The following RBKS variants were observed in gnomAD, a reference collection of about 807,000 sequenced individuals.
The protein encoded by RBKS is ribokinase.
RBKS carries 33 observed loss-of-function variants against 33.9 expected under a neutral mutation model. The observed-to-expected ratio is 0.97, with a 90% CI of 0.74 to 1.30. The LOEUF (loss-of-function observed/expected upper bound fraction) is 1.30. Among genes scored for constraint, RBKS ranks in the 50% most tolerant of loss-of-function variants. The pLI, the probability that RBKS is intolerant of heterozygous loss-of-function variation, is 0.00. For synonymous variants in RBKS, 125 were observed against 143.0 expected (o/e 0.87, Z 0.90); for missense variants, 361 against 392.6 (o/e 0.92, Z 0.68).
intron 7 of RBKS, among the ~76,000 whole-genome samples, chr2:27,796,450 C>T (rs1304837929): frequency 2.6e-5 from 4 of 152,204 alleles, no homozygotes; most frequent in Non-Finnish European, 5.9e-5. Flanking sequence ...GGCTACTACC[C>T]TTTGCCTTCT....
At chr2:27,807,254 A>C (rs1677913640) in intron 7 of RBKS, among the ~76,000 whole-genome samples, 1 of 152,260 alleles carries the variant, frequency 6.6e-6, no homozygotes, top group African/African-American at 2.4e-5. Flanking sequence ...GATGTTCACT[A>C]TCAACCTTTT....
chr2:27,875,721 C>T (rs6751074), intron 1 of RBKS, among the ~76,000 whole-genome samples: 8,074 of 152,168 alleles, frequency 0.053, 600 homozygotes, highest in African/African-American at 0.16. Flanking sequence ...ACTGAATCAA[C>T]AAATTTTTGT....
At chr2:27,784,000 T>TC (rs1677344323) in intron 7 of RBKS, among the ~76,000 whole-genome samples, 1 of 105,230 alleles carries the variant, frequency 9.5e-6, no homozygotes, top group Non-Finnish European at 2.1e-5. Flanking sequence ...TTTTTTTTTT[T>TC]TGAGACGGAG....
chr2:27,835,276 CAAAAAAAA>C (rs35739589), intron 5 of RBKS, among the ~76,000 whole-genome samples: 1 of 115,794 alleles, frequency 8.6e-6, no homozygotes, highest in Admixed American at 8.5e-5. Context: ...AACTCTGTCT[CAAAAAAAA>C]AAAAAAGAAA....
chr2:27,811,745 G>A (rs1406660356), intron 7 of RBKS, among the ~76,000 whole-genome samples: 1 of 152,152 alleles, frequency 6.6e-6, no homozygotes, highest in East Asian at 1.9e-4. Context: ...AACAAAGAGA[G>A]TTCTAAAAAC....
chr2:27,830,181 A>G (rs1678393514), intron 6 of RBKS, among the ~76,000 whole-genome samples: 1 of 152,040 alleles, frequency 6.6e-6, no homozygotes, highest in South Asian at 2.1e-4. Flanking sequence ...TTTACATATC[A>G]GTGGTTTGTG....
chr2:27,781,671 C>T lies in RBKS; in HGVS notation c.913G>A (p.Ala305Thr), dbSNP rs561365833. 149 of 1,613,994 alleles carry T rather than the reference C, an allele frequency of 9.2e-5. No homozygotes were observed. The South Asian group carries it at 1.2e-3, about 13-fold the overall frequency. The change falls in exon 8 of 8, where the codon GCA (alanine) becomes ACA (threonine). Residue 305 changes from alanine to threonine, a missense_variant. Ala to Thr is a moderately conservative substitution (Grantham distance 58, BLOSUM62 0). Transcript: ENST00000302188. ...NFIAAVSVQA[A>T]GTQSSYPYKK... ...TAAGGGTAAGATGACTGTGTTCCTG[C>T]AGCCTGGACACTGACTGCTGCAATG...
At chr2:27,887,189 G>A (rs139653280) in intron 1 of RBKS, among the ~76,000 whole-genome samples, 6 of 152,330 alleles carry the variant, frequency 3.9e-5, no homozygotes, top group African/African-American at 1.4e-4. Flanking sequence ...TCAGAGTGAT[G>A]TAATGTGAGA....
chr2:27,848,132 AGAGT>A (rs1161009724), intron 2 of RBKS, 35 bp from the exon 3 acceptor site: 1 of 1,222,520 alleles, frequency 8.2e-7, no homozygotes, highest in South Asian at 1.3e-5. Context: ...TAGATCTTTT[AGAGT>A]TAGTAAAATG....
intron 7 of RBKS, among the ~76,000 whole-genome samples, chr2:27,808,782 T>G (rs908099822): frequency 6.6e-6 from 1 of 152,246 alleles, no homozygotes; most frequent in African/African-American, 2.4e-5. Context: ...TATACTGTCT[T>G]GTATTGCCAA....
chr2:27,844,196 G>A (rs1663570227), intron 4 of RBKS, among the ~76,000 whole-genome samples: 1 of 149,754 alleles, frequency 6.7e-6, no homozygotes, highest in Non-Finnish European at 1.5e-5. Flanking sequence ...GGAGGCGGAG[G>A]TAGCAGTGAC....
At chr2:27,796,229 T>G (rs990859026) in intron 7 of RBKS, among the ~76,000 whole-genome samples, 3 of 152,250 alleles carry the variant, frequency 2.0e-5, no homozygotes, top group Non-Finnish European at 4.4e-5. Flanking sequence ...GGTATGATTT[T>G]TTTTTTAAAC....
Position 27,890,202 on chromosome 2 carries a change from G to T in RBKS, c.89+55C>A. 1 of 1,548,606 alleles carries T rather than the reference G, an allele frequency of 6.5e-7. No individual in the cohort carries two copies. Among genetic ancestry groups the T allele is most frequent in the Non-Finnish European group, 8.9e-7 (1 of 1,126,432 alleles). ...CCAAAAGCTCCACTGGGCGCATAGC[G>T]CACGGCACGCCTCCTCCCCCGAGCC... is the stretch of plus-strand genomic sequence containing the variant. On this transcript the variant is annotated intron_variant, in intron 1 of 7. Coordinates refer to ENST00000302188, the MANE Select transcript of RBKS (RefSeq NM_022128.3). This position sits in a 1 kb window ranked among gnomAD's most constrained non-coding sequence, Gnocchi z 4.8.
chr2:27,873,897 T>C (rs1395118850), intron 1 of RBKS, among the ~76,000 whole-genome samples: 2 of 151,916 alleles, frequency 1.3e-5, no homozygotes, highest in African/African-American at 2.4e-5. Flanking sequence ...AACTCTCAGC[T>C]TTTATTTAGA....
At chr2:27,790,271 AC>A (rs1558533280) in intron 7 of RBKS, among the ~76,000 whole-genome samples, 5 of 152,138 alleles carry the variant, frequency 3.3e-5, no homozygotes, top group Admixed American at 6.6e-5. Flanking sequence ...ATATGTAAGA[AC>A]ACAAACCCTT....
At chr2:27,855,434 A>T (rs1663837502) in intron 2 of RBKS, among the ~76,000 whole-genome samples, 1 of 152,110 alleles carries the variant, frequency 6.6e-6, no homozygotes, top group Non-Finnish European at 1.5e-5. Flanking sequence ...TCCTTACTTG[A>T]CCATGGTCCT....
At chr2:27,883,292 C>T (rs1264224079) in intron 1 of RBKS, among the ~76,000 whole-genome samples, 1 of 151,988 alleles carries the variant, frequency 6.6e-6, no homozygotes, top group Non-Finnish European at 1.5e-5. Context: ...CTCCGCCTCC[C>T]TGGTTCACAC....
At chr2:27,784,673 ATGAG>A (rs1289756899) in intron 7 of RBKS, among the ~76,000 whole-genome samples, 1 of 152,208 alleles carries the variant, frequency 6.6e-6, no homozygotes, top group Admixed American at 6.5e-5. Context: ...TCATGAGACC[ATGAG>A]TGGCGTTAAG....
intron 1 of RBKS, among the ~76,000 whole-genome samples, chr2:27,860,465 T>C (rs1451478042): frequency 1.3e-5 from 2 of 152,216 alleles, no homozygotes; most frequent in Non-Finnish European, 2.9e-5. Context: ...AGACTGTCAC[T>C]AAAGAAACTT....
Sources: gnomAD v4.1 joint callset for allele counts (sites outside exome capture counted in the v4.1 genomes callset) on GRCh38, gnomAD v4.1.1 for gene constraint, Gnocchi (gnomAD v3.1) non-coding constraint, MANE v1.5 for transcripts, NCBI Gene and HGNC (gene_info 2026-07-23, HGNC 2026-07-21) for gene names.